Variants in NHS observed in about 807,000 individuals in gnomAD.
NHS encodes actin remodeling regulator NHS.
In NHS, 5 loss-of-function variants were observed where a neutral mutation model predicts 72.5. That is an observed-to-expected ratio of 0.07 (90% CI 0.04 to 0.14). The LOEUF is 0.14. Among genes scored for constraint, NHS ranks in the 10% least tolerant of loss-of-function variants. The pLI, the probability that NHS is intolerant of heterozygous loss-of-function variation, is 1.00. For synonymous variants in NHS, 464 were observed against 547.7 expected (o/e 0.85, Z 2.13); for missense variants, 1,072 against 1,355.7 (o/e 0.79, Z 3.29).
At chrX:17,504,054 T>C (rs2065046408) in intron 1 of NHS, among the ~76,000 whole-genome samples, 1 of 111,765 alleles carries the variant, frequency 8.9e-6, no homozygotes, top group Non-Finnish European at 1.9e-5. Context: ...TGGAGGAACC[T>C]AGTTGTTCTG....
At chrX:17,465,382 A>G (rs1230569660) in intron 1 of NHS, among the ~76,000 whole-genome samples, 1 of 111,823 alleles carries the variant, frequency 8.9e-6, no homozygotes, top group Non-Finnish European at 1.9e-5. Flanking sequence ...TTTTCTGTGT[A>G]TCATATGTGG....
At chrX:17,557,002 C>T (rs1034160784) in intron 1 of NHS, among the ~76,000 whole-genome samples, 1 of 107,011 alleles carries the variant, frequency 9.3e-6, no homozygotes, top group Admixed American at 1.0e-4. Flanking sequence ...ATATATATAA[C>T]GTACTGTTGA....
chrX:17,513,879 C>CTTA (rs1252856912), intron 1 of NHS, among the ~76,000 whole-genome samples: 2 of 112,109 alleles, frequency 1.8e-5, no homozygotes, highest in Non-Finnish European at 3.8e-5. Context: ...TTTTCTGCTG[C>CTTA]TGATAAAGAT....
At chrX:17,393,718 A>G (rs1310337720) in intron 1 of NHS, among the ~76,000 whole-genome samples, 1 of 111,363 alleles carries the variant, frequency 9.0e-6, no homozygotes, top group Non-Finnish European at 1.9e-5. Context: ...GTTTCATGGA[A>G]AATCTAGGCA....
intron 1 of NHS, among the ~76,000 whole-genome samples, chrX:17,615,306 G>T (rs1204596313): frequency 9.7e-6 from 1 of 103,423 alleles, no homozygotes; most frequent in Non-Finnish European, 2.0e-5. Flanking sequence ...AGGCTGGGGT[G>T]CAGTGGCACA....
At chrX:17,404,803 G>GTCTC (rs368840034) in intron 1 of NHS, among the ~76,000 whole-genome samples, 1,711 of 96,554 alleles carry the variant, frequency 0.018, 27 homozygotes, top group African/African-American at 0.042. Flanking sequence ...GTAACACTCT[G>GTCTC]TCTCTCTCTC....
chrX:17,692,488 G>A lies in NHS; in HGVS notation c.852+20G>A. ...TTAACGGTAAGTTTGGTGGCCACCT[G>A]CAGCCCTATGCTTGCTGCTGAGGAA... On this transcript the variant is annotated intron_variant, in intron 3 of 8. Coordinates refer to ENST00000676302, the MANE Select transcript of NHS (RefSeq NM_001291867.2). 8.3e-7 allele frequency: 1 copy of A among 1,209,805 alleles called. No homozygotes were observed. Among genetic ancestry groups the A allele is most frequent in the South Asian group, 1.8e-5 (1 of 56,880 alleles).
intron 1 of NHS, among the ~76,000 whole-genome samples, chrX:17,541,514 G>A (rs1165200260): frequency 9.0e-6 from 1 of 111,599 alleles, no homozygotes; most frequent in Non-Finnish European, 1.9e-5. Flanking sequence ...GGTTAAACCT[G>A]TAAATTGAAT....
intron 1 of NHS, among the ~76,000 whole-genome samples, chrX:17,525,106 TGTA>T: frequency 8.9e-6 from 1 of 112,416 alleles, no homozygotes; most frequent in East Asian, 2.8e-4. Flanking sequence ...TTTTGACACA[TGTA>T]GTAACTCATT....
chrX:17,653,933 G>A (rs982932494), intron 1 of NHS, among the ~76,000 whole-genome samples: 11 of 111,048 alleles, frequency 9.9e-5, no homozygotes, highest in East Asian at 2.8e-4. Flanking sequence ...AGGGGCTGCC[G>A]GTCCTTTGAG....
chrX:17,481,110 G>A (rs920012756), intron 1 of NHS, among the ~76,000 whole-genome samples: 1 of 111,740 alleles, frequency 8.9e-6, no homozygotes, highest in Non-Finnish European at 1.9e-5. Flanking sequence ...TGTTATGAAC[G>A]ACCTTCTTGC....
intron 1 of NHS, among the ~76,000 whole-genome samples, chrX:17,513,805 A>G (rs777020662): frequency 1.8e-5 from 2 of 112,471 alleles, no homozygotes; most frequent in Non-Finnish European, 3.8e-5. Flanking sequence ...TGTGATGGTT[A>G]ATATTGAATG....
intron 1 of NHS, among the ~76,000 whole-genome samples, chrX:17,533,230 T>C (rs1818869442): frequency 8.9e-6 from 1 of 112,174 alleles, no homozygotes; most frequent in African/African-American, 3.2e-5. Context: ...TGTGAGTCTG[T>C]GTGCTTAAGT....
In NHS at chrX:17,709,454, A is replaced by G. The variant is rs1368387852; in HGVS notation, c.853-9890A>G. 5.4e-5 allele frequency among the ~76,000 whole-genome samples: 6 copies of G among 111,857 alleles called. No individual in the cohort carries two copies. In the South Asian group the frequency reaches 1.1e-3, roughly 21 times the overall value. ...AAGCAGCAAGGACCTTAGATACCTT[A>G]GTCAAGAGCAAGCCAGAGGGTAAAA... On this transcript the variant is annotated intron_variant, in intron 3 of 8. Transcript: ENST00000676302.
intron 1 of NHS, among the ~76,000 whole-genome samples, chrX:17,666,050 G>A (rs756558393): frequency 9.0e-6 from 1 of 111,685 alleles, no homozygotes; most frequent in African/African-American, 3.3e-5. Flanking sequence ...GAAAAGACAT[G>A]GGGTGTGGGA....
At chrX:17,605,770 C>A (rs1346669065) in intron 1 of NHS, among the ~76,000 whole-genome samples, 2 of 111,331 alleles carry the variant, frequency 1.8e-5, no homozygotes, top group Non-Finnish European at 3.8e-5. Context: ...AGCCGGCCTC[C>A]AACTCTGGAG....
chrX:17,463,834 G>C (rs2064859769), intron 1 of NHS, among the ~76,000 whole-genome samples: 1 of 112,046 alleles, frequency 8.9e-6, no homozygotes, highest in African/African-American at 3.2e-5. Context: ...GGAGAAACAG[G>C]GATAAAAAGG....
chrX:17,561,195 T>C (rs1218572939), intron 1 of NHS, among the ~76,000 whole-genome samples: 1 of 112,553 alleles, frequency 8.9e-6, no homozygotes, highest in Non-Finnish European at 1.9e-5. Context: ...CCCTCGAATT[T>C]CCCATTGACT....
At chrX:17,460,093 A>G (rs1299481334) in intron 1 of NHS, among the ~76,000 whole-genome samples, 1 of 111,322 alleles carries the variant, frequency 9.0e-6, no homozygotes, top group South Asian at 3.8e-4. Flanking sequence ...AGAAAGATGA[A>G]GATGGTTCAG....
Sources: allele counts gnomAD v4.1 joint callset (sites outside exome capture counted in the v4.1 genomes callset), GRCh38; gene constraint gnomAD v4.1.1; transcripts MANE v1.5; gene names NCBI Gene and HGNC (gene_info 2026-07-23, HGNC 2026-07-21).